Variants in EPHA6 observed in about 807,000 individuals in gnomAD.
EPHA6 encodes the protein ephrin type-A receptor 6.
A neutral mutation model predicts 112.0 loss-of-function variants in EPHA6; 50 were observed. The observed-to-expected ratio is 0.45, with a 90% confidence interval of 0.36 to 0.56. The LOEUF is 0.56. Among genes scored for constraint, EPHA6 ranks in the 20% least tolerant of loss-of-function variants. The pLI, the probability that EPHA6 is intolerant of heterozygous loss-of-function variation, is 0.00. For synonymous variants in EPHA6, 529 were observed against 490.7 expected, an observed-to-expected ratio of 1.08 and a Z score of -1.03; for missense variants, 1,280 against 1,417.4, an observed-to-expected ratio of 0.90 and a Z score of 1.56.
intron 2 of EPHA6, among the ~76,000 whole-genome samples, chr3:96,942,433 C>A (rs1388855144): frequency 7.1e-6 from 1 of 141,758 alleles, no homozygotes; most frequent in Non-Finnish European, 1.5e-5. Flanking sequence ...GATATAATCT[C>A]CTGCTGTGCT....
In EPHA6 at chr3:96,980,451, G is replaced by A. The variant is rs553706343; in HGVS notation, c.451-6879G>A. 3.3e-5 allele frequency among the ~76,000 whole-genome samples: 5 copies of A among 152,260 alleles called. No homozygotes were observed. The East Asian group carries it at 7.7e-4, about 24-fold the overall frequency. On this transcript the variant is annotated intron_variant, in intron 2 of 17. Transcript: ENST00000389672. ...CCAGTACCATGCTGTTTTGGTTACTGTAGCCTTGTAGTATAGTTTGAAGTC... is the reference window on the plus strand; with the variant it reads ...CCAGTACCATGCTGTTTTGGTTACTATAGCCTTGTAGTATAGTTTGAAGTC...
chr3:96,937,638 T>G (rs1216742710), intron 2 of EPHA6, among the ~76,000 whole-genome samples: 1 of 152,190 alleles, frequency 6.6e-6, no homozygotes, highest in Non-Finnish European at 1.5e-5. Flanking sequence ...AATTTTGACT[T>G]TTGTTGTCAT....
chr3:97,047,272 G>A (rs1223646892), intron 3 of EPHA6, among the ~76,000 whole-genome samples: 4 of 151,874 alleles, frequency 2.6e-5, no homozygotes, highest in South Asian at 2.1e-4. Flanking sequence ...AGGCCAAGGC[G>A]GGTGGATCAT....
At chr3:96,871,619 G>A (rs1324206828) in intron 2 of EPHA6, among the ~76,000 whole-genome samples, 2 of 151,728 alleles carry the variant, frequency 1.3e-5, no homozygotes, top group Admixed American at 6.6e-5. Context: ...AAATATACAT[G>A]TACACTCATT....
chr3:97,154,653 G>T (rs1431951935), intron 3 of EPHA6, among the ~76,000 whole-genome samples: 1 of 152,094 alleles, frequency 6.6e-6, no homozygotes, highest in Non-Finnish European at 1.5e-5. Flanking sequence ...ACATTTTATT[G>T]CTTGTGTAAT....
intron 11 of EPHA6, among the ~76,000 whole-genome samples, chr3:97,578,069 A>C (rs570874906): frequency 8.7e-4 from 133 of 152,348 alleles, no homozygotes; most frequent in African/African-American, 2.6e-3. Flanking sequence ...TATGAGATAG[A>C]GTCATCAGAG....
At chr3:97,447,832 T>C in intron 6 of EPHA6, 1 of 1,009,846 alleles carries the variant, frequency 9.9e-7, no homozygotes, top group Non-Finnish European at 1.2e-6. Context: ...TCTGCAGGTA[T>C]GGTAAGTCTT....
chr3:97,431,997 C>T (rs189755206), intron 6 of EPHA6, among the ~76,000 whole-genome samples: 258 of 152,190 alleles, frequency 1.7e-3, no homozygotes, highest in African/African-American at 6.0e-3. Flanking sequence ...GCTACATTTA[C>T]AACTAGTCAA....
At position 96,921,581 on chromosome 3, in the gene EPHA6, C is replaced by CT. The variant is rs779978249; in HGVS notation, c.450+54706dup. 8.9e-3 allele frequency among the ~76,000 whole-genome samples: 1,261 copies of CT among 141,572 alleles called. 8 individuals carry two copies. Among genetic ancestry groups the CT allele is most frequent in the African/African-American group, 0.023 (881 of 38,886 alleles). 92.9% of individuals were successfully genotyped at this position (141,572 alleles called of 152,430 possible). A position where few individuals can be genotyped will look rare whatever the true frequency, so the allele number is the denominator to read the frequency against. ...GTTTTGAATTATTTTAAATACACAA[C>CT]TTTTTTTTTTTTTTCAAGACTCTGT... On this transcript the variant is annotated intron_variant, in intron 2 of 17. Transcript: ENST00000389672.
Position 96,901,531 on chromosome 3 carries a change from C to T in EPHA6, c.450+34642C>T, listed in dbSNP as rs190583460. On this transcript the variant is annotated intron_variant, in intron 2 of 17. Transcript: ENST00000389672. ...AGATGTTTGAACTTCCAGAAAGGGACAGAATTATTAAAATCTTACTTGTCA... is the reference window on the plus strand; with the variant it reads ...AGATGTTTGAACTTCCAGAAAGGGATAGAATTATTAAAATCTTACTTGTCA... Among the ~76,000 whole-genome samples the T allele has an allele frequency of 8.3e-4, 126 of 151,392 alleles. 1 individual carries two copies. The highest frequency in any genetic ancestry group is 2.9e-3 in the African/African-American group (120 of 41,216).
intron 5 of EPHA6, among the ~76,000 whole-genome samples, chr3:97,370,551 T>A (rs1473562664): frequency 6.6e-6 from 1 of 152,160 alleles, no homozygotes; most frequent in Non-Finnish European, 1.5e-5. Flanking sequence ...TTAGACAATA[T>A]TCATTAAATG....
At chr3:97,424,046 T>G (rs924552802) in intron 6 of EPHA6, among the ~76,000 whole-genome samples, 13 of 151,912 alleles carry the variant, frequency 8.6e-5, no homozygotes, top group Non-Finnish European at 4.4e-5. Flanking sequence ...AGGAAAGAGG[T>G]TTAATGGACT....
At chr3:97,510,665 C>T (rs1216865467) in intron 10 of EPHA6, among the ~76,000 whole-genome samples, 1 of 152,156 alleles carries the variant, frequency 6.6e-6, no homozygotes, top group Non-Finnish European at 1.5e-5. Flanking sequence ...GTACAGGAGT[C>T]AGGGATCCAC....
chr3:97,646,580 C>T (rs190729911), intron 14 of EPHA6, among the ~76,000 whole-genome samples: 8 of 152,184 alleles, frequency 5.3e-5, no homozygotes, highest in East Asian at 1.9e-4. Context: ...GAAACAGCTT[C>T]GCTAATTATC....
At chr3:96,853,439 T>C (rs1669637386) in intron 1 of EPHA6, among the ~76,000 whole-genome samples, 1 of 152,088 alleles carries the variant, frequency 6.6e-6, no homozygotes, top group African/African-American at 2.4e-5. Flanking sequence ...GATGTTTTTT[T>C]TTCCCCTCAT....
chr3:97,478,762 C>T (rs2107474069), intron 8 of EPHA6, among the ~76,000 whole-genome samples: 1 of 152,024 alleles, frequency 6.6e-6, no homozygotes, highest in African/African-American at 2.4e-5. Flanking sequence ...CTTTGTTTAG[C>T]CATTAGAAAT....
intron 10 of EPHA6, among the ~76,000 whole-genome samples, chr3:97,501,800 A>G (rs1192736371): frequency 7.9e-5 from 12 of 152,262 alleles, no homozygotes; most frequent in Admixed American, 2.0e-4. Flanking sequence ...GAAAGGGAAT[A>G]AAAGAAAGTA....
At chr3:97,181,920 G>A (rs903845144) in intron 3 of EPHA6, among the ~76,000 whole-genome samples, 7 of 151,990 alleles carry the variant, frequency 4.6e-5, no homozygotes, top group Non-Finnish European at 8.8e-5. Context: ...TTTTGACCTT[G>A]ACCTCCAAAC....
chr3:96,951,733 A>G (rs937539368), intron 2 of EPHA6, among the ~76,000 whole-genome samples: 1 of 152,166 alleles, frequency 6.6e-6, no homozygotes, highest in Non-Finnish European at 1.5e-5. Context: ...GGATTAAATC[A>G]TATCTTTTGA....
Sources: gnomAD v4.1 joint callset for allele counts (sites outside exome capture counted in the v4.1 genomes callset) on GRCh38, gnomAD v4.1.1 for gene constraint, MANE v1.5 for transcripts, NCBI Gene and HGNC (gene_info 2026-07-23, HGNC 2026-07-21) for gene names.